GMDS: variants seen among roughly 807,000 people sequenced by gnomAD.
GMDS encodes the protein GDP-mannose 4,6-dehydratase.
GMDS carries 20 observed loss-of-function variants against 49.9 expected under a neutral mutation model. That is an observed-to-expected ratio of 0.40 (90% confidence interval 0.28 to 0.58). The LOEUF is 0.58. Ranked by LOEUF, GMDS falls within the 20% of genes least tolerant of loss-of-function variation. GMDS has a pLI of 0.42. For missense variants in GMDS, 362 were observed against 481.4 expected (o/e 0.75, Z 2.32); for synonymous variants, 177 against 178.6 (o/e 0.99, Z 0.07).
At chr6:1,760,894 G>A (rs967594672) in intron 7 of GMDS, among the ~76,000 whole-genome samples, 3 of 152,110 alleles carry the variant, frequency 2.0e-5, no homozygotes, top group Non-Finnish European at 4.4e-5. Flanking sequence ...GACCTCACCC[G>A]GGACTGGGAT....
intron 7 of GMDS, among the ~76,000 whole-genome samples, chr6:1,851,212 A>G (rs1283781305): frequency 1.3e-5 from 2 of 152,212 alleles, no homozygotes; most frequent in African/African-American, 4.8e-5. Context: ...TGGCTAAGAC[A>G]TTTAGAAAAC....
intron 7 of GMDS, among the ~76,000 whole-genome samples, chr6:1,823,571 C>A (rs1011897329): frequency 1.3e-5 from 2 of 152,232 alleles, no homozygotes; most frequent in Non-Finnish European, 2.9e-5. Context: ...ATTCCTACCC[C>A]CCACCACTGC....
In GMDS at chr6:2,149,939, A is replaced by G. The variant is rs116533092; in HGVS notation, c.103-25208T>C. On this transcript the variant is annotated intron_variant, in intron 1 of 10. Coordinates refer to ENST00000380815, the MANE Select transcript of GMDS (RefSeq NM_001500.4). ...TCTTCACATGTCTTAAAATTACCTT[A>G]TATCCTGGAAATAACAGAAAAATTT... Among the ~76,000 whole-genome samples, 1,251 of 152,128 alleles carry G rather than the reference A, an allele frequency of 8.2e-3. 24 individuals carry two copies. The highest frequency in any genetic ancestry group is 0.029 in the African/African-American group (1,205 of 41,448).
chr6:1,660,270 C>A (rs1245799409), intron 9 of GMDS, among the ~76,000 whole-genome samples: 3 of 151,964 alleles, frequency 2.0e-5, no homozygotes, highest in African/African-American at 7.3e-5. Context: ...CTATTGGCAC[C>A]AGCATCATTT....
intron 7 of GMDS, among the ~76,000 whole-genome samples, chr6:1,875,800 C>T (rs931293385): frequency 6.6e-6 from 1 of 151,010 alleles, no homozygotes; most frequent in Non-Finnish European, 1.5e-5. Flanking sequence ...CTGAGGGCAG[C>T]GCAACACCTG....
chr6:2,193,608 G>A (rs1362273516), intron 1 of GMDS, among the ~76,000 whole-genome samples: 1 of 151,906 alleles, frequency 6.6e-6, no homozygotes, highest in Non-Finnish European at 1.5e-5. Flanking sequence ...TAAATAACAT[G>A]TGTAATTAGG....
rs551249249 is a variant in GMDS, at chr6:1,696,331, T to C, written c.987+30085A>G. 5.3e-5 allele frequency among the ~76,000 whole-genome samples: 8 copies of C among 152,354 alleles called. No homozygotes were observed. The South Asian group carries it at 1.7e-3, about 32-fold the overall frequency. On this transcript the variant is annotated intron_variant, in intron 9 of 10. Coordinates refer to ENST00000380815, the MANE Select transcript of GMDS (RefSeq NM_001500.4). ...AAAATGGCTAGGGCCTACGCCGTGA[T>C]TTGCTGCTCTGGAATGGGACACACA... is the stretch of plus-strand genomic sequence containing the variant.
Position 1,623,978 on chromosome 6 carries a change from G to A in GMDS, c.*191C>T. 1.8e-6 allele frequency: 1 copy of A among 558,104 alleles called. No homozygotes were observed. The highest frequency in any genetic ancestry group is 2.4e-5 in the South Asian group (1 of 42,122). 34.6% of individuals were successfully genotyped at this position (558,104 alleles called of 1,614,324 possible). ...ACAAACGCAAAGCGACCCAAACCCT[G>A]GAGGGTCACATCCCGGCTGCTACAA... is the stretch of plus-strand genomic sequence containing the variant. On this transcript the variant is annotated 3_prime_UTR_variant, in exon 11 of 11. Transcript: ENST00000380815.
At chr6:2,160,170 T>C (rs1777322713) in intron 1 of GMDS, among the ~76,000 whole-genome samples, 1 of 152,178 alleles carries the variant, frequency 6.6e-6, no homozygotes, top group Non-Finnish European at 1.5e-5. Context: ...TCCAACAGAT[T>C]TTTACTACAT....
At chr6:1,974,365 A>G (rs1466003906) in intron 4 of GMDS, among the ~76,000 whole-genome samples, 4 of 152,230 alleles carry the variant, frequency 2.6e-5, no homozygotes, top group Non-Finnish European at 5.9e-5. Flanking sequence ...TAAAATTAAA[A>G]TAATGCTCAA....
At chr6:1,826,100 G>A (rs777970672) in intron 7 of GMDS, among the ~76,000 whole-genome samples, 2 of 152,158 alleles carry the variant, frequency 1.3e-5, no homozygotes, top group Non-Finnish European at 2.9e-5. Flanking sequence ...TGCTCTGGGT[G>A]AGTGAGTGAG....
chr6:1,713,869 C>A (rs552170583), intron 9 of GMDS, among the ~76,000 whole-genome samples: 3 of 152,134 alleles, frequency 2.0e-5, no homozygotes, highest in Non-Finnish European at 4.4e-5. Context: ...TCAATCAGGC[C>A]ATTTCTCTTC....
At chr6:2,154,882 A>AAAAAAAAAAAAAAAAAC (rs1777031137) in intron 1 of GMDS, among the ~76,000 whole-genome samples, 1 of 150,716 alleles carries the variant, frequency 6.6e-6, no homozygotes, top group African/African-American at 2.4e-5. Flanking sequence ...AAAAAAAAAA[A>AAAAAAAAAAAAAAAAAC]AAAAGACAAA....
At chr6:2,241,247 A>T (rs1291998687) in intron 1 of GMDS, among the ~76,000 whole-genome samples, 1 of 152,174 alleles carries the variant, frequency 6.6e-6, no homozygotes, top group Non-Finnish European at 1.5e-5. Flanking sequence ...CCGTACAACC[A>T]TTGTATCTTG....
chr6:2,001,694 C>T (rs1766826606), intron 4 of GMDS, among the ~76,000 whole-genome samples: 1 of 152,052 alleles, frequency 6.6e-6, no homozygotes, highest in Non-Finnish European at 1.5e-5. Context: ...AATAGATGCA[C>T]AAATCAATGG....
At chr6:1,800,766 G>A (rs995089569) in intron 7 of GMDS, among the ~76,000 whole-genome samples, 2 of 151,974 alleles carry the variant, frequency 1.3e-5, no homozygotes, top group South Asian at 2.1e-4. Flanking sequence ...GCACTGCACA[G>A]TTATCATCAG....
intron 1 of GMDS, among the ~76,000 whole-genome samples, chr6:2,146,349 C>T (rs1013596111): frequency 9.9e-5 from 15 of 152,110 alleles, no homozygotes; most frequent in African/African-American, 3.6e-4. Flanking sequence ...GTGATATGAA[C>T]ACATAAAGGA....
chr6:1,959,821 G>T (rs1299356749), intron 6 of GMDS, 46 bp downstream of exon 6: 5 of 1,115,736 alleles, frequency 4.5e-6, no homozygotes, highest in African/African-American at 3.1e-5. Context: ...ACTTGTTGTT[G>T]TTGTTCAAGT....
chr6:2,157,530 G>C (rs890340457), intron 1 of GMDS, among the ~76,000 whole-genome samples: 1 of 152,180 alleles, frequency 6.6e-6, no homozygotes, highest in East Asian at 1.9e-4. Flanking sequence ...CCATCCCTAT[G>C]GCTAATCTCA....
Sources: allele counts gnomAD v4.1 joint callset (sites outside exome capture counted in the v4.1 genomes callset), GRCh38; gene constraint gnomAD v4.1.1; transcripts MANE v1.5; gene names NCBI Gene and HGNC (gene_info 2026-07-23, HGNC 2026-07-21).